The following L3MBTL4 variants were observed in gnomAD, a reference collection of about 807,000 sequenced individuals.
The protein encoded by L3MBTL4 is L3MBTL histone methyl-lysine binding protein 4, also known as lethal(3)malignant brain tumor-like protein 4.
L3MBTL4 carries 70 observed loss-of-function variants against 84.5 expected under a neutral mutation model. The ratio of observed to expected loss-of-function variants is 0.83; its 90% CI spans 0.68 to 1.01. The LOEUF is 1.01. Among genes scored for constraint, L3MBTL4 ranks in the 50% least tolerant of loss-of-function variants. The pLI is 0.00. For missense variants in L3MBTL4, 715 were observed against 754.8 expected (o/e 0.95, Z 0.62); for synonymous variants, 274 against 259.8 (o/e 1.05, Z -0.52).
intron 1 of L3MBTL4, chr18:6,413,851 G>C (rs529599653): frequency 3.9e-4 from 59 of 152,398 alleles, no homozygotes; most frequent in African/African-American, 1.3e-3. Flanking sequence ...GTTCCACCTC[G>C]GGGCATTGGC....
At chr18:6,392,901 A>G (rs2055116709) in intron 1 of L3MBTL4, among the ~76,000 whole-genome samples, 1 of 152,182 alleles carries the variant, frequency 6.6e-6, no homozygotes, top group Non-Finnish European at 1.5e-5. Context: ...GAGTGGTATC[A>G]AGAACTTTGG....
At chr18:6,220,899 A>T (rs1209054937) in intron 10 of L3MBTL4, among the ~76,000 whole-genome samples, 1 of 152,170 alleles carries the variant, frequency 6.6e-6, no homozygotes, top group Non-Finnish European at 1.5e-5. Context: ...CAGAGGTACC[A>T]TTTGAACAAA....
intron 14 of L3MBTL4, among the ~76,000 whole-genome samples, chr18:6,112,700 T>G (rs1306010474): frequency 1.3e-5 from 2 of 152,212 alleles, no homozygotes; most frequent in African/African-American, 4.8e-5. Context: ...AAGTATAAGT[T>G]ACATTTAAAA....
chr18:6,364,066 G>A (rs1015891163), intron 1 of L3MBTL4, among the ~76,000 whole-genome samples: 7 of 152,012 alleles, frequency 4.6e-5, no homozygotes, highest in Non-Finnish European at 8.8e-5. Flanking sequence ...TCTCTTTTTG[G>A]TCCTTGTATC....
chr18:6,361,630 C>A (rs1400491118), intron 1 of L3MBTL4, among the ~76,000 whole-genome samples: 1 of 152,124 alleles, frequency 6.6e-6, no homozygotes, highest in East Asian at 1.9e-4. Flanking sequence ...AACCAGACTG[C>A]AGTGGGAAAG....
At chr18:6,018,426 T>C (rs650502) in intron 16 of L3MBTL4, among the ~76,000 whole-genome samples, 24,468 of 152,068 alleles carry the variant, frequency 0.16, 3,072 homozygotes, top group African/African-American at 0.32. Context: ...GCTAGAACCA[T>C]GGGAAATTCT....
At chr18:6,165,344 C>T (rs752233028) in intron 13 of L3MBTL4, among the ~76,000 whole-genome samples, 20 of 152,270 alleles carry the variant, frequency 1.3e-4, no homozygotes, top group Non-Finnish European at 2.1e-4. Flanking sequence ...CACAAAGATA[C>T]TCCTCGAGAA....
intron 13 of L3MBTL4, among the ~76,000 whole-genome samples, chr18:6,165,274 A>C (rs1022121463): frequency 1.3e-5 from 2 of 152,230 alleles, no homozygotes; most frequent in Admixed American, 1.3e-4. Flanking sequence ...ATTATCCAGG[A>C]GAACTTCCCC....
chr18:6,031,628 G>C, intron 16 of L3MBTL4: 1 of 956,160 alleles, frequency 1.0e-6, no homozygotes, highest in Non-Finnish European at 1.2e-6. Flanking sequence ...CATGGCCTTG[G>C]CTGGGATGAC....
At position 6,076,185 on chromosome 18, in the gene L3MBTL4, C is replaced by G. The variant is rs555548751; in HGVS notation, c.1444+4696G>C. ...ATACACATATCTACCAAATCACATA[C>G]TAGAATGTTCCTAGTGGAAACAGTG... On this transcript the variant is annotated intron_variant, in intron 16 of 18. Coordinates refer to ENST00000317931, the MANE Select transcript of L3MBTL4 (RefSeq NM_001330559.2). Among the ~76,000 whole-genome samples the G allele has an allele frequency of 2.0e-4, 30 of 152,324 alleles. No homozygotes were observed. The South Asian group carries it at 6.2e-3, about 32-fold the overall frequency.
upstream of L3MBTL4, chr18:6,415,018 A>C (rs928276465): frequency 5.3e-5 from 8 of 151,940 alleles, no homozygotes; most frequent in Admixed American, 4.6e-4. Context: ...AGTGTTCCAC[A>C]CCCCGGGGAG....
At chr18:6,218,484 A>T (rs2046417001) in intron 10 of L3MBTL4, among the ~76,000 whole-genome samples, 1 of 151,996 alleles carries the variant, frequency 6.6e-6, no homozygotes, top group Non-Finnish European at 1.5e-5. Flanking sequence ...TAAGGACTGG[A>T]TGTGAGGTAA....
intron 13 of L3MBTL4, among the ~76,000 whole-genome samples, chr18:6,162,034 A>G (rs775995388): frequency 4.6e-5 from 7 of 151,846 alleles, no homozygotes; most frequent in Non-Finnish European, 8.8e-5. Context: ...TATTACAATA[A>G]CAGCTACTAA....
At chr18:6,163,615 T>C (rs778945717) in intron 13 of L3MBTL4, among the ~76,000 whole-genome samples, 8 of 152,184 alleles carry the variant, frequency 5.3e-5, no homozygotes, top group Non-Finnish European at 8.8e-5. Context: ...TAATTACCTG[T>C]CTGTGAATAC....
intron 1 of L3MBTL4, among the ~76,000 whole-genome samples, chr18:6,389,733 T>G (rs1341879582): frequency 6.6e-6 from 1 of 152,152 alleles, no homozygotes; most frequent in African/African-American, 2.4e-5. Context: ...ATAAACGGAC[T>G]AGTCCAACAG....
At chr18:6,357,458 CA>C (rs1261745091) in intron 1 of L3MBTL4, among the ~76,000 whole-genome samples, 1 of 152,072 alleles carries the variant, frequency 6.6e-6, no homozygotes, top group Admixed American at 6.5e-5. Flanking sequence ...TCTATAAAAC[CA>C]GCCACCCCCA....
At chr18:6,300,052 A>AT (rs1009365921) in intron 4 of L3MBTL4, among the ~76,000 whole-genome samples, 2 of 145,314 alleles carry the variant, frequency 1.4e-5, no homozygotes, top group East Asian at 2.0e-4. Context: ...TTTGTTTAGT[A>AT]TTTTTTTTGT....
chr18:6,253,233 T>C (rs2048002998), intron 5 of L3MBTL4, among the ~76,000 whole-genome samples: 1 of 152,046 alleles, frequency 6.6e-6, no homozygotes, highest in Admixed American at 6.6e-5. Context: ...AAAAACCCTA[T>C]ATTGGAACTA....
intron 16 of L3MBTL4, among the ~76,000 whole-genome samples, chr18:6,050,510 A>G (rs2056800257): frequency 6.6e-6 from 1 of 152,236 alleles, no homozygotes; most frequent in South Asian, 2.1e-4. Flanking sequence ...ATAAATGGTT[A>G]TACCCTCTAT....
Sources: gnomAD v4.1 joint callset for allele counts (sites outside exome capture counted in the v4.1 genomes callset) on GRCh38, gnomAD v4.1.1 for gene constraint, MANE v1.5 for transcripts, NCBI Gene and HGNC (gene_info 2026-07-23, HGNC 2026-07-21) for gene names.